CADM2: variants seen among roughly 807,000 people sequenced by gnomAD.
CADM2 encodes cell adhesion molecule 2.
In CADM2, 12 loss-of-function variants were observed where a neutral mutation model predicts 49.8. That is an observed-to-expected ratio of 0.24 (90% CI 0.15 to 0.39). The LOEUF (loss-of-function observed/expected upper bound fraction) is 0.39, where lower values mean the gene tolerates loss of function less well. CADM2 is among the 10% of genes least tolerant of loss of function. CADM2 has a pLI of 1.00. For synonymous variants in CADM2, 214 were observed against 175.4 expected (o/e 1.22, Z -1.74); for missense variants, 378 against 492.3 (o/e 0.77, Z 2.20).
chr3:85,494,766 C>T (rs1019625877), intron 1 of CADM2, among the ~76,000 whole-genome samples: 4 of 151,992 alleles, frequency 2.6e-5, no homozygotes, highest in African/African-American at 9.7e-5. Flanking sequence ...TTAACATAAG[C>T]TCTTCAAAAC....
At chr3:85,534,931 G>A (rs1318785430) in intron 1 of CADM2, among the ~76,000 whole-genome samples, 4 of 151,992 alleles carry the variant, frequency 2.6e-5, no homozygotes, top group South Asian at 2.1e-4. Context: ...TATAAATTTT[G>A]GGAATGCTGA....
intron 1 of CADM2, among the ~76,000 whole-genome samples, chr3:85,099,255 AGAG>A (rs1486293882): frequency 1.3e-5 from 2 of 152,186 alleles, no homozygotes; most frequent in Non-Finnish European, 2.9e-5. Context: ...ACTTACCCAG[AGAG>A]GAGAAGGAAG....
At chr3:85,140,630 T>C (rs370310122) in intron 1 of CADM2, among the ~76,000 whole-genome samples, 103 of 152,300 alleles carry the variant, frequency 6.8e-4, no homozygotes, top group Admixed American at 2.9e-3. Context: ...TGCATTATTG[T>C]GTTGAGTTTG....
rs114216342 is a variant in CADM2, at chr3:85,644,341, C to T, written c.62-82181C>T. On this transcript the variant is annotated intron_variant, in intron 1 of 9. Transcript: ENST00000383699. ...GATTAGGCCCTATGCCTTATGACCT[C>T]ATTATATTCTTAATACCTCCTTATA... 1.9e-3 allele frequency among the ~76,000 whole-genome samples: 291 copies of T among 152,256 alleles called. 3 individuals are homozygous for T. The highest frequency in any genetic ancestry group is 0.01 in the Middle Eastern group (3 of 294).
chr3:85,202,103 A>G (rs1307510901), intron 1 of CADM2, among the ~76,000 whole-genome samples: 4 of 149,146 alleles, frequency 2.7e-5, no homozygotes, highest in African/African-American at 7.5e-5. Context: ...AAAAAAAGCA[A>G]CTTCTCATCT....
intron 5 of CADM2, among the ~76,000 whole-genome samples, chr3:85,901,950 A>G (rs1161617582): frequency 6.6e-6 from 1 of 152,204 alleles, no homozygotes; most frequent in Non-Finnish European, 1.5e-5. Flanking sequence ...GTTGTAGCAT[A>G]TATCAGTACT....
intron 1 of CADM2, among the ~76,000 whole-genome samples, chr3:85,669,518 G>A (rs1436858798): frequency 6.6e-6 from 1 of 152,152 alleles, no homozygotes; most frequent in Non-Finnish European, 1.5e-5. Context: ...GGTCAGTCAA[G>A]TATTTATGAT....
intron 8 of CADM2, among the ~76,000 whole-genome samples, chr3:86,033,872 T>G (rs993549223): frequency 6.7e-6 from 1 of 149,146 alleles, no homozygotes; most frequent in Non-Finnish European, 1.5e-5. Flanking sequence ...ACAAATCCCT[T>G]AATTTTTCAA....
intron 1 of CADM2, among the ~76,000 whole-genome samples, chr3:85,530,933 T>C (rs1476872717): frequency 6.6e-6 from 1 of 150,488 alleles, no homozygotes; most frequent in Non-Finnish European, 1.5e-5. Flanking sequence ...TATTGTGGAA[T>C]GTCAGGGGGT....
At chr3:85,934,867 C>T (rs572953690) in intron 6 of CADM2, among the ~76,000 whole-genome samples, 1 of 151,888 alleles carries the variant, frequency 6.6e-6, no homozygotes, top group South Asian at 2.1e-4. Context: ...GAGTTCAGAG[C>T]CTATTTTGTT....
intron 1 of CADM2, among the ~76,000 whole-genome samples, chr3:85,294,624 G>A (rs529953699): frequency 0.065 from 9,869 of 151,692 alleles, 1,053 homozygotes; most frequent in African/African-American, 0.23. Flanking sequence ...AGAGCCCTCA[G>A]AAATAACGCT....
intron 1 of CADM2, among the ~76,000 whole-genome samples, chr3:85,695,121 T>C (rs1356688659): frequency 1.3e-5 from 2 of 152,114 alleles, no homozygotes; most frequent in African/African-American, 4.8e-5. Flanking sequence ...GTTAAAATAA[T>C]GACTTAAATA....
At chr3:85,890,044 G>A (rs557883685) in intron 5 of CADM2, among the ~76,000 whole-genome samples, 6 of 152,196 alleles carry the variant, frequency 3.9e-5, no homozygotes, top group South Asian at 4.1e-4. Flanking sequence ...AGTCTCAGTC[G>A]ATCTAGAGGT....
At chr3:85,247,648 G>T (rs542108370) in intron 1 of CADM2, among the ~76,000 whole-genome samples, 2 of 152,062 alleles carry the variant, frequency 1.3e-5, no homozygotes, top group East Asian at 3.9e-4. Context: ...TAGGAGCTGC[G>T]AATTGACTTG....
intron 1 of CADM2, among the ~76,000 whole-genome samples, chr3:85,475,230 G>A (rs2038930272): frequency 6.6e-6 from 1 of 151,842 alleles, no homozygotes; most frequent in Non-Finnish European, 1.5e-5. Context: ...AGATAATTGA[G>A]GTACTCAGAC....
chr3:85,071,253 G>A (rs924177133), intron 1 of CADM2, among the ~76,000 whole-genome samples: 2 of 151,726 alleles, frequency 1.3e-5, no homozygotes, highest in Non-Finnish European at 2.9e-5. Flanking sequence ...AAATGAGAGA[G>A]GGAGAGGTAG....
chr3:85,995,871 C>T (rs1025136982), intron 8 of CADM2, among the ~76,000 whole-genome samples: 5 of 151,960 alleles, frequency 3.3e-5, no homozygotes, highest in Non-Finnish European at 7.4e-5. Context: ...GGGTGGATCA[C>T]GAGGTCAGGA....
At chr3:85,601,635 A>G (rs1182322518) in intron 1 of CADM2, among the ~76,000 whole-genome samples, 1 of 151,612 alleles carries the variant, frequency 6.6e-6, no homozygotes, top group East Asian at 1.9e-4. Flanking sequence ...ACTATTTTTA[A>G]AAAAACGTTT....
At chr3:85,177,152 A>G (rs946088244) in intron 1 of CADM2, among the ~76,000 whole-genome samples, 2 of 152,184 alleles carry the variant, frequency 1.3e-5, no homozygotes, top group Admixed American at 1.3e-4. Context: ...TCACTTTTAT[A>G]TAAAGACAAT....
Sources: allele counts gnomAD v4.1 joint callset (sites outside exome capture counted in the v4.1 genomes callset), GRCh38; gene constraint gnomAD v4.1.1; transcripts MANE v1.5; gene names NCBI Gene and HGNC (gene_info 2026-07-23, HGNC 2026-07-21).